TF: variants seen among roughly 807,000 people sequenced by gnomAD.
TF encodes serotransferrin.
In TF, 55 loss-of-function variants were observed where a neutral mutation model predicts 82.4. The observed-to-expected ratio is 0.67, with a 90% CI of 0.54 to 0.84. The LOEUF is 0.84. TF is among the 40% of genes least tolerant of loss of function. The probability of loss-of-function intolerance (pLI) is 0.00; values close to 1 mark genes in which losing one functional copy is unlikely to be tolerated. For missense variants in TF, 737 were observed against 868.4 expected (o/e 0.85, Z 1.90); for synonymous variants, 332 against 332.6 (o/e 1.00, Z 0.02).
intron 2 of TF, among the ~76,000 whole-genome samples, chr3:133,752,381 GA>G (rs1933699104): frequency 6.6e-6 from 1 of 152,252 alleles, no homozygotes; most frequent in Middle Eastern, 3.4e-3. Context: ...TACAAGGTAT[GA>G]GCCACTATAC....
the TF span, among the ~76,000 whole-genome samples, chr3:133,740,751 T>G: frequency 2.0e-5 from 3 of 152,210 alleles, no homozygotes; most frequent in Non-Finnish European, 4.4e-5. Flanking sequence ...TTGTAATTTT[T>G]ACAATATCAA....
rs1430359717 is a variant in TF, at chr3:133,786,592, T to C, written c.*7972T>C. ...CTTTACATCTAGTCTTTCTAGATGT[T>C]AAAGAGGTTGCTAGTGTATGACAAA... On this transcript the variant is annotated 3_prime_UTR_variant, in exon 17 of 17. Coordinates refer to ENST00000402696, the MANE Select transcript of TF (RefSeq NM_001063.4). 1 of 152,240 alleles carries C rather than the reference T, an allele frequency of 6.6e-6. No homozygotes were observed. The highest frequency in any genetic ancestry group is 1.5e-5 in the Non-Finnish European group (1 of 68,040). 9.4% of individuals were successfully genotyped at this position (152,240 alleles called of 1,614,324 possible). A position where few individuals can be genotyped will look rare whatever the true frequency, so the allele number is the denominator to read the frequency against.
In TF at chr3:133,766,269, T is replaced by C; in HGVS notation, c.1331-9T>C. On this transcript the variant is annotated splice_polypyrimidine_tract_variant and intron_variant, in intron 11 of 16. Transcript: ENST00000402696. ...GTTAATACATCCTTTTCTGGTGTCT[T>C]TCTTGTAGGGTATTTTGCTATAGCA... 1.9e-6 allele frequency: 3 copies of C among 1,614,050 alleles called. No homozygotes were observed. Among genetic ancestry groups the C allele is most frequent in the East Asian group, 4.5e-5 (2 of 44,888 alleles).
At chr3:133,751,942 C>A (rs941766234) in intron 2 of TF, among the ~76,000 whole-genome samples, 1 of 151,886 alleles carries the variant, frequency 6.6e-6, no homozygotes, top group African/African-American at 2.4e-5. Flanking sequence ...TACAGTGAGC[C>A]GAGATTGAGC....
intron 9 of TF, among the ~76,000 whole-genome samples, chr3:133,759,717 A>C (rs1933938833): frequency 6.6e-6 from 1 of 152,154 alleles, no homozygotes; most frequent in South Asian, 2.1e-4. Flanking sequence ...CTAGCCTGGC[A>C]TGGTGGCATG....
chr3:133,753,862 A>G (rs1933745065), intron 3 of TF, 159 bp downstream of exon 3: 1 of 718,358 alleles, frequency 1.4e-6, no homozygotes, highest in Admixed American at 2.0e-5. Context: ...ACAGCCACAC[A>G]TCAAGGCCTC....
At chr3:133,712,783 G>T in the TF span, 7 of 152,864 alleles carry the variant, frequency 4.6e-5, no homozygotes, top group Non-Finnish European at 1.0e-4. Context: ...GAGATACTAC[G>T]GCTCCAGTGG....
the TF span, among the ~76,000 whole-genome samples, chr3:133,728,406 A>G: frequency 1.6e-4 from 25 of 151,756 alleles, no homozygotes; most frequent in African/African-American, 5.3e-4. Context: ...CATTCATTTC[A>G]TCTTCCATCA....
chr3:133,720,556 C>A, the TF span, among the ~76,000 whole-genome samples: 1 of 151,964 alleles, frequency 6.6e-6, no homozygotes, highest in Non-Finnish European at 1.5e-5. Flanking sequence ...CTGTAGTTTT[C>A]TTTTATTGTT....
At chr3:133,777,301 G>A (rs1934419726) in intron 16 of TF, 63 bp downstream of exon 16, 3 of 1,551,662 alleles carry the variant, frequency 1.9e-6, no homozygotes, top group Non-Finnish European at 2.6e-6. Flanking sequence ...CTGGGATGGT[G>A]GGTGGGTACA....
At chr3:133,765,855 A>C (rs1934113953) in intron 11 of TF, among the ~76,000 whole-genome samples, 1 of 152,076 alleles carries the variant, frequency 6.6e-6, no homozygotes, top group Admixed American at 6.5e-5. Context: ...CTTATCAGAA[A>C]ATGTTTGGCT....
intron 14 of TF, chr3:133,775,231 T>C (rs1045443000): frequency 3.2e-6 from 2 of 629,564 alleles, no homozygotes; most frequent in South Asian, 1.8e-5. Context: ...TGGTCAATAA[T>C]CATTCCTGGT....
the TF span, among the ~76,000 whole-genome samples, chr3:133,715,377 C>T: frequency 3.6e-3 from 550 of 152,316 alleles, 6 homozygotes; most frequent in African/African-American, 0.013. Context: ...TGCCTTCCCT[C>T]CTCCTACTGG....
chr3:133,753,736 G>T (rs1286399153), intron 3 of TF, 33 bp downstream of exon 3: 5 of 1,545,552 alleles, frequency 3.2e-6, no homozygotes, highest in Non-Finnish European at 4.5e-6. Context: ...GGAAGGAGTT[G>T]TCATCCTTAT....
In TF at chr3:133,783,540, C is replaced by T. The variant is rs1003242585; in HGVS notation, c.*4920C>T. On this transcript the variant is annotated 3_prime_UTR_variant, in exon 17 of 17. Coordinates refer to ENST00000402696, the MANE Select transcript of TF (RefSeq NM_001063.4). ...TTTCTTATATAGTACTTAGATTTTC[C>T]AACATTCCACAAACCTAGTAGCAAT... 1 of 152,090 alleles carries T rather than the reference C, an allele frequency of 6.6e-6. No homozygotes were observed. Among genetic ancestry groups the T allele is most frequent in the Non-Finnish European group, 1.5e-5 (1 of 68,010 alleles). The allele number at this position is 152,090 out of a possible 1,614,324, so 9.4% of individuals were successfully genotyped here. A position where few individuals can be genotyped will look rare whatever the true frequency, so the allele number is the denominator to read the frequency against.
At chr3:133,755,846 C>G (rs903244867) in intron 5 of TF, 7 of 451,380 alleles carry the variant, frequency 1.6e-5, no homozygotes, top group Middle Eastern at 6.4e-4. Context: ...TTCCCTCAAT[C>G]TCAGCAGTGT....
intron 13 of TF, among the ~76,000 whole-genome samples, chr3:133,770,164 A>T (rs1417448232): frequency 6.6e-6 from 1 of 152,188 alleles, no homozygotes; most frequent in Non-Finnish European, 1.5e-5. Flanking sequence ...CTTGTATGAG[A>T]ACCTGAAGGA....
Position 133,759,385 on chromosome 3 carries a change from C to A in TF, c.1203+56C>A, listed in dbSNP as rs933383947. 29 of 1,603,596 alleles carry A rather than the reference C, an allele frequency of 1.8e-5. 1 individual carries two copies. The East Asian group carries it at 6.2e-4, about 35-fold the overall frequency. On this transcript the variant is annotated intron_variant, in intron 9 of 16. Coordinates refer to ENST00000402696, the MANE Select transcript of TF (RefSeq NM_001063.4). ...TCCCTGTCATTGCTGCCTGCTGGCC[C>A]CCAAGACTGAGCTAGGGAGTGTTCC... is the stretch of plus-strand genomic sequence containing the variant.
At chr3:133,753,022 T>G (rs1933719214) in intron 2 of TF, among the ~76,000 whole-genome samples, 1 of 151,828 alleles carries the variant, frequency 6.6e-6, no homozygotes, top group East Asian at 1.9e-4. Flanking sequence ...TGAGTCAGAG[T>G]GAAGACGAAT....
Sources: allele counts gnomAD v4.1 joint callset (sites outside exome capture counted in the v4.1 genomes callset), GRCh38; gene constraint gnomAD v4.1.1; transcripts MANE v1.5; gene names NCBI Gene and HGNC (gene_info 2026-07-23, HGNC 2026-07-21).